The following NRG3 variants were observed in gnomAD, a reference collection of about 807,000 sequenced individuals.
NRG3 encodes neuregulin 3.
Under a neutral mutation model 66.9 loss-of-function variants are expected in NRG3, and 31 were observed. The ratio of observed to expected loss-of-function variants is 0.46; its 90% confidence interval spans 0.35 to 0.63. NRG3 has a LOEUF of 0.63. Among genes scored for constraint, NRG3 ranks in the 20% least tolerant of loss-of-function variants. The pLI, the probability that NRG3 is intolerant of heterozygous loss-of-function variation, is 0.00. For synonymous variants in NRG3, 393 were observed against 359.4 expected (o/e 1.09, Z -1.06); for missense variants, 910 against 878.9 (o/e 1.04, Z -0.45).
At chr10:82,005,765 A>T (rs896396686) in intron 1 of NRG3, among the ~76,000 whole-genome samples, 55 of 152,286 alleles carry the variant, frequency 3.6e-4, no homozygotes, top group African/African-American at 1.3e-3. Context: ...CACGTTTAGC[A>T]TGTTGTGCTG....
chr10:82,965,988 C>T (rs1474842775), intron 6 of NRG3, among the ~76,000 whole-genome samples: 1 of 152,000 alleles, frequency 6.6e-6, no homozygotes, highest in Non-Finnish European at 1.5e-5. Flanking sequence ...TTTCTATTTT[C>T]TTAAGCAGAT....
chr10:82,742,968 C>A (rs1307539272), intron 3 of NRG3, among the ~76,000 whole-genome samples: 1 of 152,078 alleles, frequency 6.6e-6, no homozygotes, highest in Non-Finnish European at 1.5e-5. Context: ...TAATCACCAG[C>A]CAATGGAAGC....
chr10:82,219,014 T>C (rs2075815816), intron 1 of NRG3, among the ~76,000 whole-genome samples: 1 of 152,000 alleles, frequency 6.6e-6, no homozygotes, highest in African/African-American at 2.4e-5. Context: ...TAGAATTCTT[T>C]CACTAAGTGC....
intron 3 of NRG3, among the ~76,000 whole-genome samples, chr10:82,741,554 G>A (rs1413825688): frequency 6.6e-6 from 1 of 152,122 alleles, no homozygotes; most frequent in Admixed American, 6.5e-5. Flanking sequence ...CATGTGCCAG[G>A]CACTGTGCCA....
chr10:82,814,879 A>G (rs1347154003), intron 3 of NRG3, among the ~76,000 whole-genome samples: 2 of 152,022 alleles, frequency 1.3e-5, no homozygotes, highest in African/African-American at 4.8e-5. Context: ...AATCCTCACA[A>G]CTCTGTGTTG....
intron 6 of NRG3, among the ~76,000 whole-genome samples, chr10:82,969,553 C>T (rs564023665): frequency 6.6e-6 from 1 of 152,316 alleles, no homozygotes; most frequent in Admixed American, 6.5e-5. Context: ...AAAAGACTGA[C>T]CAGCCTTTAT....
chr10:82,945,285 T>C (rs1848911664), intron 4 of NRG3, among the ~76,000 whole-genome samples: 1 of 152,160 alleles, frequency 6.6e-6, no homozygotes, highest in Non-Finnish European at 1.5e-5. Context: ...TATCAGTTGA[T>C]CATGCTGCTC....
chr10:82,750,620 C>T (rs1014111902), intron 3 of NRG3, among the ~76,000 whole-genome samples: 2 of 152,054 alleles, frequency 1.3e-5, no homozygotes, highest in African/African-American at 4.8e-5. Flanking sequence ...TCTACACATC[C>T]TTATTTATTA....
chr10:82,511,672 G>A (rs545640662), intron 2 of NRG3, among the ~76,000 whole-genome samples: 2 of 152,246 alleles, frequency 1.3e-5, no homozygotes, highest in South Asian at 4.1e-4. Flanking sequence ...GGAGCCAGGG[G>A]ATTTTGTGAA....
intron 2 of NRG3, among the ~76,000 whole-genome samples, chr10:82,730,085 T>C (rs923826903): frequency 6.8e-6 from 1 of 148,080 alleles, no homozygotes; most frequent in Non-Finnish European, 1.5e-5. Context: ...CTTTTTTTTT[T>C]TCCTTTTTTT....
intron 2 of NRG3, among the ~76,000 whole-genome samples, chr10:82,662,002 A>G (rs2052399378): frequency 6.6e-6 from 1 of 152,182 alleles, no homozygotes; most frequent in South Asian, 2.1e-4. Flanking sequence ...TTTGAGGACA[A>G]GCATCTCTTC....
intron 3 of NRG3, among the ~76,000 whole-genome samples, chr10:82,742,329 G>C (rs1270279781): frequency 6.6e-6 from 1 of 152,126 alleles, no homozygotes; most frequent in African/African-American, 2.4e-5. Context: ...ACTGGCTTGA[G>C]TGTCTTAGCA....
chr10:82,769,494 TA>T (rs1435718286), intron 3 of NRG3, among the ~76,000 whole-genome samples: 11 of 152,068 alleles, frequency 7.2e-5, no homozygotes, highest in East Asian at 5.8e-4. Flanking sequence ...ATTTCAATAT[TA>T]AAAAAATATT....
intron 4 of NRG3, among the ~76,000 whole-genome samples, chr10:82,922,235 ACTGT>A (rs1402461146): frequency 2.0e-5 from 3 of 152,060 alleles, no homozygotes; most frequent in Non-Finnish European, 4.4e-5. Context: ...CAGTTTTGAA[ACTGT>A]CTTTCTGAAC....
chr10:82,972,232 A>T (rs1851833600), intron 6 of NRG3, among the ~76,000 whole-genome samples: 1 of 152,076 alleles, frequency 6.6e-6, no homozygotes, highest in Non-Finnish European at 1.5e-5. Flanking sequence ...CTAATACTTA[A>T]ATATATATAT....
chr10:82,115,692 T>C (rs2067666465), intron 1 of NRG3, among the ~76,000 whole-genome samples: 1 of 152,090 alleles, frequency 6.6e-6, no homozygotes, highest in African/African-American at 2.4e-5. Flanking sequence ...AAGGGAAAAA[T>C]GGGCATTTAC....
At chr10:82,293,941 T>C (rs779655511) in intron 1 of NRG3, among the ~76,000 whole-genome samples, 2 of 151,952 alleles carry the variant, frequency 1.3e-5, no homozygotes, top group East Asian at 1.9e-4. Context: ...TTTTTCTTTC[T>C]CTATCTTGAC....
At chr10:82,001,206 A>G (rs2133678567) in intron 1 of NRG3, among the ~76,000 whole-genome samples, 1 of 152,070 alleles carries the variant, frequency 6.6e-6, no homozygotes, top group Admixed American at 6.6e-5. Context: ...AAAAAAAAAA[A>G]AAAAGCAAAG....
intron 1 of NRG3, among the ~76,000 whole-genome samples, chr10:82,189,781 C>A (rs2074025402): frequency 1.3e-5 from 2 of 151,450 alleles, no homozygotes; most frequent in South Asian, 2.1e-4. Flanking sequence ...CAGAGCAAGA[C>A]TTTTCTCCAT....
Sources: gnomAD v4.1 joint callset for allele counts (sites outside exome capture counted in the v4.1 genomes callset) on GRCh38, gnomAD v4.1.1 for gene constraint, MANE v1.5 for transcripts, NCBI Gene and HGNC (gene_info 2026-07-23, HGNC 2026-07-21) for gene names.